Variants in DNAJC21 observed in about 807,000 individuals in gnomAD.
DNAJC21 encodes DnaJ heat shock protein family (Hsp40) member C21.
In DNAJC21, 63 loss-of-function variants were observed where a neutral mutation model predicts 72.4. That is an observed-to-expected ratio of 0.87 (90% CI 0.71 to 1.07). DNAJC21 has a LOEUF of 1.07. Ranked by LOEUF, DNAJC21 falls within the 50% of genes least tolerant of loss-of-function variation. The probability of loss-of-function intolerance (pLI) is 0.00; values close to 1 mark genes in which losing one functional copy is unlikely to be tolerated. For missense variants in DNAJC21, 634 were observed against 644.8 expected (o/e 0.98, Z 0.18); for synonymous variants, 203 against 216.7 (o/e 0.94, Z 0.56).
intron 9 of DNAJC21, among the ~76,000 whole-genome samples, chr5:34,946,097 C>G (rs1765168831): frequency 6.6e-6 from 1 of 152,024 alleles, no homozygotes; most frequent in Non-Finnish European, 1.5e-5. Flanking sequence ...CTGAATACAT[C>G]TCACAAAAGG....
chr5:34,946,710 C>T (rs1765184499), intron 9 of DNAJC21, among the ~76,000 whole-genome samples: 1 of 152,080 alleles, frequency 6.6e-6, no homozygotes, highest in Admixed American at 6.5e-5. Flanking sequence ...ATCCAAACAC[C>T]TTATAATTAT....
rs1003581978 is a variant in DNAJC21, at chr5:34,956,186, T to C, written c.*1472T>C. 6 of 152,582 alleles carry C rather than the reference T, an allele frequency of 3.9e-5. No homozygotes were observed. Among genetic ancestry groups the C allele is most frequent in the African/African-American group, 1.4e-4 (6 of 41,436 alleles). 9.5% of individuals were successfully genotyped at this position (152,582 alleles called of 1,614,324 possible). A position where few individuals can be genotyped will look rare whatever the true frequency, so the allele number is the denominator to read the frequency against. On this transcript the variant is annotated 3_prime_UTR_variant, in exon 12 of 12. Coordinates refer to ENST00000648817, the MANE Select transcript of DNAJC21 (RefSeq NM_001012339.3). The stretch of plus-strand genomic sequence containing the variant: ...ATTAACGAAATGAACAAATTTTCGG[T>C]TACAGATCAGCTCTCAAACACTAAA...
intron 10 of DNAJC21, chr5:34,951,752 C>G (rs1765374251): frequency 1.0e-6 from 1 of 953,972 alleles, no homozygotes; most frequent in Admixed American, 6.2e-5. Flanking sequence ...TCTTGAACTC[C>G]TGACCTCATG....
At chr5:34,930,031 GA>G in intron 1 of DNAJC21, 115 bp downstream of exon 1, 1 of 791,404 alleles carries the variant, frequency 1.3e-6, no homozygotes, top group Non-Finnish European at 1.8e-6. Flanking sequence ...GGCGGCCTAG[GA>G]GCTCCTTGCC....
Position 34,953,908 on chromosome 5 carries a change from G to A in DNAJC21, c.1359-18G>A. The A allele has an allele frequency of 6.3e-7, 1 of 1,598,928 alleles. No individual in the cohort carries two copies. Among genetic ancestry groups the A allele is most frequent in the Non-Finnish European group, 8.5e-7 (1 of 1,170,894 alleles). On this transcript the variant is annotated intron_variant, in intron 10 of 11. Transcript: ENST00000648817. ...GAGTATGTTATTTTTGGATTATGCT[G>A]AATTATTTATTTTCCAGTGTTCCTA...
intron 10 of DNAJC21, 112 bp downstream of exon 10, chr5:34,950,454 T>G (rs1401752505): frequency 1.9e-5 from 28 of 1,458,002 alleles, no homozygotes; most frequent in Admixed American, 1.0e-4. Context: ...GTAATTTAGA[T>G]GTATCTGTAC....
At chr5:34,930,079 C>T (rs1419312717) in intron 1 of DNAJC21, 163 bp downstream of exon 1, 12 of 466,964 alleles carry the variant, frequency 2.6e-5, no homozygotes, top group Non-Finnish European at 4.1e-5. Flanking sequence ...CTGCCCGTCT[C>T]GGTGGGCGAA....
intron 7 of DNAJC21, among the ~76,000 whole-genome samples, chr5:34,942,779 G>A (rs530778635): frequency 6.6e-6 from 1 of 152,064 alleles, no homozygotes; most frequent in Non-Finnish European, 1.5e-5. Context: ...TAAGAATAAG[G>A]TTATTCTCGC....
chr5:34,951,904 T>C, intron 10 of DNAJC21: 1 of 985,454 alleles, frequency 1.0e-6, no homozygotes, highest in Non-Finnish European at 1.2e-6. Context: ...ATAGTTCAGC[T>C]CTCTAATTTC....
chr5:34,945,998 A>T (rs1386234422), intron 9 of DNAJC21, among the ~76,000 whole-genome samples, 195 bp downstream of exon 9: 1 of 152,174 alleles, frequency 6.6e-6, no homozygotes, highest in African/African-American at 2.4e-5. Context: ...TGTAATAACA[A>T]ACTTAATTAT....
Position 34,929,690 on chromosome 5 carries a change from G to T in DNAJC21, c.-130G>T. On this transcript the variant is annotated 5_prime_UTR_variant, in exon 1 of 12. Coordinates refer to ENST00000648817, the MANE Select transcript of DNAJC21 (RefSeq NM_001012339.3). Reference sequence around the variant, plus strand: ...GCCGCCGCCGCCGCCGGGCTCGCTGGCTGGCCCGGTGCGGGCGGCGGACTC... The same window carrying T: ...GCCGCCGCCGCCGCCGGGCTCGCTGTCTGGCCCGGTGCGGGCGGCGGACTC... 1 of 233,884 alleles carries T rather than the reference G, an allele frequency of 4.3e-6. No individual in the cohort carries two copies. Among genetic ancestry groups the T allele is most frequent in the Non-Finnish European group, 6.9e-6 (1 of 144,036 alleles). 14.5% of individuals were successfully genotyped at this position (233,884 alleles called of 1,614,324 possible).
chr5:34,950,180 A>C lies in DNAJC21; in HGVS notation c.1196A>C (p.Asp399Ala), dbSNP rs200120526. The change falls in exon 10 of 12, where the codon GAC becomes GCC. Residue 399 changes from aspartate (D) to alanine (A), a missense_variant. Transcript: ENST00000648817. The stretch of plus-strand genomic sequence containing the variant: ...TGTTTTATTACCTAGAATTATGATG[A>C]CAATTTCAATGTAAATGGACCTGGA... Reference protein sequence around the residue: ...KKQKPAQNYDDNFNVNGPGEG... With the variant: ...KKQKPAQNYDANFNVNGPGEG... 9.3e-6 allele frequency: 15 copies of C among 1,604,348 alleles called. No individual in the cohort carries two copies. Among genetic ancestry groups the C allele is most frequent in the Non-Finnish European group, 1.3e-5 (15 of 1,176,878 alleles).
At chr5:34,952,372 T>C (rs911568107) in intron 10 of DNAJC21, 2 of 502,208 alleles carry the variant, frequency 4.0e-6, no homozygotes, top group Middle Eastern at 1.0e-3. Context: ...TCCTACACAA[T>C]ATGTTACACT....
chr5:34,953,064 C>T lies in DNAJC21; in HGVS notation c.1359-862C>T, dbSNP rs140965834. On this transcript the variant is annotated intron_variant, in intron 10 of 11. Transcript: ENST00000648817. The stretch of plus-strand genomic sequence containing the variant: ...ATTCGGGAGGCTGAAGCAGGAAAAT[C>T]GCTTGAACCCGGGAGGCAGAGGTTG... 5.2e-3 allele frequency among the ~76,000 whole-genome samples: 792 copies of T among 152,032 alleles called. 4 individuals are homozygous for T. Among genetic ancestry groups the T allele is most frequent in the Middle Eastern group, 0.014 (4 of 294 alleles).
Position 34,950,270 on chromosome 5 carries a change from A to T in DNAJC21, c.1286A>T (p.Asp429Val). 6.2e-7 allele frequency: 1 copy of T among 1,614,000 alleles called. No individual in the cohort carries two copies. Among genetic ancestry groups the T allele is most frequent in the Non-Finnish European group, 8.5e-7 (1 of 1,179,950 alleles). The change falls in exon 10 of 12, where the codon GAT (aspartate) becomes GTT (valine). Residue 429 changes from aspartate to valine, a missense_variant. Physicochemically the swap from Asp to Val is radical, Grantham distance 152. Transcript: ENST00000648817. ...CAAGACAGTGCCAAAGAATTGGAAGATAGTCCCCAGGAAAATGTCAGTGTC... is the reference window on the plus strand; with the variant it reads ...CAAGACAGTGCCAAAGAATTGGAAGTTAGTCCCCAGGAAAATGTCAGTGTC... ...LNQDSAKELEDSPQENVSVTE... is the reference protein window; with the variant it reads ...LNQDSAKELEVSPQENVSVTE...
intron 10 of DNAJC21, 83 bp downstream of exon 10, chr5:34,950,425 C>A: frequency 1.3e-6 from 2 of 1,501,564 alleles, no homozygotes; most frequent in Non-Finnish European, 8.9e-7. Flanking sequence ...ATAAAATCTT[C>A]TTTCCCATGA....
At chr5:34,930,139 C>T in intron 1 of DNAJC21, 1 of 338,196 alleles carries the variant, frequency 3.0e-6, no homozygotes. Context: ...CTCATACCCG[C>T]GACCCCGGCC....
chr5:34,947,129 T>C (rs552863132), intron 9 of DNAJC21, among the ~76,000 whole-genome samples: 9 of 152,242 alleles, frequency 5.9e-5, no homozygotes, highest in Admixed American at 5.2e-4. Flanking sequence ...GGAAGTTTTC[T>C]GTATGGCCAG....
intron 7 of DNAJC21, 103 bp downstream of exon 7, chr5:34,941,286 C>T: frequency 2.9e-6 from 3 of 1,020,974 alleles, no homozygotes; most frequent in Non-Finnish European, 4.4e-6. Flanking sequence ...CAGCCTCGAC[C>T]TGTTGAACTC....
Sources: gnomAD v4.1 joint callset for allele counts (sites outside exome capture counted in the v4.1 genomes callset) on GRCh38, gnomAD v4.1.1 for gene constraint, MANE v1.5 for transcripts, NCBI Gene and HGNC (gene_info 2026-07-23, HGNC 2026-07-21) for gene names.